MYO16: variants seen among roughly 807,000 people sequenced by gnomAD.
The protein encoded by MYO16 is myosin XVI, also known as unconventional myosin-XVI.
A neutral mutation model predicts 205.3 loss-of-function variants in MYO16; 94 were observed. The observed-to-expected ratio is 0.46, with a 90% confidence interval of 0.39 to 0.54. The LOEUF (loss-of-function observed/expected upper bound fraction) is 0.54. Among genes scored for constraint, MYO16 ranks in the 20% least tolerant of loss-of-function variants. The pLI is 0.00. For missense variants in MYO16, 2,315 were observed against 2,387.5 expected (o/e 0.97, Z 0.63); for synonymous variants, 988 against 954.0 (o/e 1.04, Z -0.66).
At chr13:108,617,566 C>T (rs144253507) in intron 1 of MYO16, among the ~76,000 whole-genome samples, 22 of 152,228 alleles carry the variant, frequency 1.4e-4, no homozygotes, top group East Asian at 5.8e-4. Context: ...TTCACAGGTA[C>T]GGGCTTTCAT....
intron 4 of MYO16, among the ~76,000 whole-genome samples, chr13:108,737,401 G>A (rs138667822): frequency 0.013 from 2,013 of 152,158 alleles, 42 homozygotes; most frequent in African/African-American, 0.046. Flanking sequence ...ATAATCATGT[G>A]GTTTTTGTCT....
intron 32 of MYO16, among the ~76,000 whole-genome samples, chr13:109,147,881 A>G (rs1465358350): frequency 1.3e-5 from 2 of 152,116 alleles, no homozygotes; most frequent in Non-Finnish European, 2.9e-5. Context: ...GGGAAACTAG[A>G]TTAACACCCC....
At chr13:108,962,609 T>A in intron 19 of MYO16, 114 bp downstream of exon 19, 1 of 755,124 alleles carries the variant, frequency 1.3e-6, no homozygotes, top group Non-Finnish European at 2.1e-6. Flanking sequence ...GAATGCCAAA[T>A]GAGGAAAGCA....
intron 27 of MYO16, among the ~76,000 whole-genome samples, chr13:109,089,089 G>A (rs1888537943): frequency 6.6e-6 from 1 of 152,204 alleles, no homozygotes; most frequent in Middle Eastern, 3.4e-3. Context: ...GTGGGGGAGA[G>A]GGGGAATATG....
At chr13:108,883,354 G>A (rs1879711533) in intron 13 of MYO16, among the ~76,000 whole-genome samples, 168 bp downstream of exon 13, 1 of 152,176 alleles carries the variant, frequency 6.6e-6, no homozygotes, top group Admixed American at 6.5e-5. Flanking sequence ...GAAACATCTT[G>A]GCTGTTAGGA....
intron 1 of MYO16, among the ~76,000 whole-genome samples, chr13:108,664,861 GA>G (rs1162907416): frequency 6.6e-6 from 1 of 152,062 alleles, no homozygotes; most frequent in Non-Finnish European, 1.5e-5. Context: ...AAACAAGGGG[GA>G]TATTTTAAGT....
At chr13:108,810,318 C>T (rs1173901216) in intron 7 of MYO16, among the ~76,000 whole-genome samples, 1 of 152,142 alleles carries the variant, frequency 6.6e-6, no homozygotes, top group Non-Finnish European at 1.5e-5. Flanking sequence ...ACTGTGCTAG[C>T]CCATTGTCCA....
chr13:109,147,941 G>C (rs1004300871), intron 32 of MYO16, among the ~76,000 whole-genome samples: 2 of 152,164 alleles, frequency 1.3e-5, no homozygotes, highest in Non-Finnish European at 2.9e-5. Context: ...AAGCAAGCAG[G>C]AGCTGTGTGA....
chr13:108,520,972 A>G, the MYO16 span, among the ~76,000 whole-genome samples: 44,210 of 151,852 alleles, frequency 0.29, 7,293 homozygotes, highest in Non-Finnish European at 0.37. Context: ...CCACGTCCCC[A>G]TCTCTCTTTT....
chr13:108,927,734 G>A (rs1306207147), intron 16 of MYO16, among the ~76,000 whole-genome samples: 1 of 152,220 alleles, frequency 6.6e-6, no homozygotes, highest in African/African-American at 2.4e-5. Context: ...GAGGTGTGGA[G>A]CCCTGCACAG....
chr13:108,692,833 C>G (rs1295905746), intron 2 of MYO16, among the ~76,000 whole-genome samples: 1 of 152,166 alleles, frequency 6.6e-6, no homozygotes, highest in Non-Finnish European at 1.5e-5. Context: ...TTATCTGACT[C>G]TGAGTAGAGA....
chr13:108,696,106 G>A (rs533603547), intron 2 of MYO16, among the ~76,000 whole-genome samples: 4 of 152,278 alleles, frequency 2.6e-5, no homozygotes, highest in African/African-American at 4.8e-5. Context: ...TGCTGTGAAC[G>A]TGTAGCAGCT....
chr13:109,134,115 C>T (rs1361407588), intron 31 of MYO16, among the ~76,000 whole-genome samples: 1 of 152,130 alleles, frequency 6.6e-6, no homozygotes, highest in Non-Finnish European at 1.5e-5. Context: ...CATGTGCAGG[C>T]ATTAAGCTAA....
chr13:108,915,890 C>A (rs528921669), intron 16 of MYO16, among the ~76,000 whole-genome samples: 1 of 152,094 alleles, frequency 6.6e-6, no homozygotes, highest in South Asian at 2.1e-4. Flanking sequence ...AGTCACCGCG[C>A]GCTTGAACTT....
At chr13:108,869,611 G>C (rs1404463007) in intron 12 of MYO16, among the ~76,000 whole-genome samples, 1 of 149,220 alleles carries the variant, frequency 6.7e-6, no homozygotes, top group Admixed American at 6.7e-5. Context: ...GGCGTCTGTA[G>C]TCCCAGCTAC....
intron 34 of MYO16, among the ~76,000 whole-genome samples, chr13:109,198,101 A>G (rs1256717507): frequency 6.6e-6 from 1 of 152,174 alleles, no homozygotes; most frequent in Non-Finnish European, 1.5e-5. Flanking sequence ...TATTAAATCC[A>G]TCTGCTCTTT....
At chr13:108,953,507 C>A (rs528354036) in intron 16 of MYO16, among the ~76,000 whole-genome samples, 1 of 151,362 alleles carries the variant, frequency 6.6e-6, no homozygotes, top group Non-Finnish European at 1.5e-5. Flanking sequence ...ATTTTTAAAC[C>A]TATTTTTAAT....
At chr13:109,050,527 G>T (rs1441317454) in intron 24 of MYO16, among the ~76,000 whole-genome samples, 4 of 152,128 alleles carry the variant, frequency 2.6e-5, no homozygotes, top group Non-Finnish European at 5.9e-5. Context: ...TAATTTGTGA[G>T]AAAGTACTTT....
At position 108,779,143 on chromosome 13, in the gene MYO16, G is replaced by A. The variant is rs765934828; in HGVS notation, c.508-6492G>A. Among the ~76,000 whole-genome samples the A allele has an allele frequency of 1.4e-4, 22 of 152,266 alleles. 1 individual carries two copies. The highest frequency in any genetic ancestry group is 2.9e-4 in the Non-Finnish European group (20 of 68,026). Reference sequence around the variant, plus strand: ...TGATTATTTTAGTAATCCAAGCGGGGGTTTCCTAAGATCCTGTTTCCCACT... The same window carrying A: ...TGATTATTTTAGTAATCCAAGCGGGAGTTTCCTAAGATCCTGTTTCCCACT... On this transcript the variant is annotated intron_variant, in intron 4 of 34. Coordinates refer to ENST00000457511, the MANE Select transcript of MYO16 (RefSeq NM_001198950.3).
Sources: gnomAD v4.1 joint callset for allele counts (sites outside exome capture counted in the v4.1 genomes callset) on GRCh38, gnomAD v4.1.1 for gene constraint, MANE v1.5 for transcripts, NCBI Gene and HGNC (gene_info 2026-07-23, HGNC 2026-07-21) for gene names.